Variants in ZFP36L2 observed in about 807,000 individuals in gnomAD.
ZFP36L2 encodes mRNA decay activator protein ZFP36L2.
In ZFP36L2, 16 loss-of-function variants were observed where a neutral mutation model predicts 27.9. The ratio of observed to expected loss-of-function variants is 0.57; its 90% confidence interval spans 0.39 to 0.87. The LOEUF is 0.87. Among genes scored for constraint, ZFP36L2 ranks in the 40% least tolerant of loss-of-function variants. The pLI, the probability that ZFP36L2 is intolerant of heterozygous loss-of-function variation, is 0.00. For missense variants in ZFP36L2, 989 were observed against 726.9 expected (o/e 1.36, Z -4.15); for synonymous variants, 600 against 363.8 (o/e 1.65, Z -7.39).
Position 43,225,418 on chromosome 2 carries a change from T to C in ZFP36L2, c.386A>G (p.Asp129Gly). The C allele has an allele frequency of 6.2e-7, 1 of 1,612,888 alleles. No homozygotes were observed. The highest frequency in any genetic ancestry group is 8.5e-7 in the Non-Finnish European group (1 of 1,179,770). ...FRDRSFSENGDRSQHLLHLQQ... is the reference protein window; with the variant it reads ...FRDRSFSENGGRSQHLLHLQQ... ...CAGGTGCAGGAGGTGCTGGCTGCGA[T>C]CGCCGTTCTCGCTAAACGAGCGGTC... Residue 129 changes from aspartate to glycine, a missense_variant, in exon 2 of 2, where the codon GAT (aspartate) becomes GGT (glycine). Transcript: ENST00000282388.
In ZFP36L2 at chr2:43,222,849, A is replaced by T. The variant is rs1666997060; in HGVS notation, c.*1470T>A. ...CATTCAGATTCTCTCAAGCACTAATAAAATACTTATTTGGTTGAGGAAGAT... is the reference window on the plus strand; with the variant it reads ...CATTCAGATTCTCTCAAGCACTAATTAAATACTTATTTGGTTGAGGAAGAT... On this transcript the variant is annotated 3_prime_UTR_variant, in exon 2 of 2. Coordinates refer to ENST00000282388, the MANE Select transcript of ZFP36L2 (RefSeq NM_006887.5). 1.3e-5 allele frequency: 2 copies of T among 152,486 alleles called. No homozygotes were observed. Among genetic ancestry groups the T allele is most frequent in the South Asian group, 4.1e-4 (2 of 4,828 alleles). The allele number at this position is 152,486 out of a possible 1,614,324, so 9.4% of individuals were successfully genotyped here. A position where few individuals can be genotyped will look rare whatever the true frequency, so the allele number is the denominator to read the frequency against.
At position 43,224,456 on chromosome 2, in the gene ZFP36L2, G is replaced by A; in HGVS notation, c.1348C>T (p.Pro450Ser). The A allele has an allele frequency of 6.6e-7, 1 of 1,516,196 alleles. No homozygotes were observed. Among genetic ancestry groups the A allele is most frequent in the Non-Finnish European group, 8.8e-7 (1 of 1,137,756 alleles). The allele number at this position is 1,516,196 out of a possible 1,614,324, so 93.9% of individuals were successfully genotyped here. Residue 450 changes from proline to serine, a missense_variant, in exon 2 of 2, where the codon CCG becomes TCG. Pro to Ser is a moderately conservative substitution (Grantham distance 74, BLOSUM62 -1). Transcript: ENST00000282388. ...CTGTCGCGGTCCGACAGCGAGTCCG[G>A]GGGGCTGGGGGGCGCGTCGAACACG... The part of the protein sequence containing the change: ...SPVFDAPPSP[P>S]DSLSDRDSYL...
chr2:43,226,576 G>C lies in ZFP36L2; in HGVS notation c.-261C>G. ...GTGCCCGGCCCGCCCCCCCCGCGGA[G>C]CCGACGGCAGCTCGCGGACTGCTGG... On this transcript the variant is annotated 5_prime_UTR_variant, in exon 1 of 2. Transcript: ENST00000282388. The C allele has an allele frequency of 6.1e-6, 3 of 493,600 alleles. No homozygotes were observed. In the South Asian group the frequency reaches 7.9e-5, roughly 13 times the overall value. 30.6% of individuals were successfully genotyped at this position (493,600 alleles called of 1,614,324 possible).
In ZFP36L2 at chr2:43,224,415, G is replaced by A. The variant is rs1198239113; in HGVS notation, c.1389C>T (p.Ser463=). The change falls in exon 2 of 2, where the codon TCC becomes TCT. Residue 463 remains serine (S), a synonymous_variant. Coordinates refer to ENST00000282388, the MANE Select transcript of ZFP36L2 (RefSeq NM_006887.5). The part of the protein sequence containing the change: ...LSDRDSYLSG[S]LSSGSLSGSE... ...AGCCGCTGAGGCTGCCGGAGCTCAG[G>A]GAGCCGCTTAGGTAGCTGTCGCGGT... The A allele has an allele frequency of 2.6e-6, 4 of 1,556,594 alleles. No homozygotes were observed. The highest frequency in any genetic ancestry group is 3.5e-6 in the Non-Finnish European group (4 of 1,157,536).
chr2:43,224,759 G>C lies in ZFP36L2; in HGVS notation c.1045C>G (p.Pro349Ala). Residue 349 changes from proline (P) to alanine (A), a missense_variant, in exon 2 of 2, where the codon CCG becomes GCG. Pro to Ala is a conservative substitution (Grantham distance 27). Coordinates refer to ENST00000282388, the MANE Select transcript of ZFP36L2 (RefSeq NM_006887.5). ...GAGGCCGACGAGCAGGCCGCGCACGGGGCCCCCGGCGCCAGCAGGTCCTCG... is the reference window on the plus strand; with the variant it reads ...GAGGCCGACGAGCAGGCCGCGCACGCGGCCCCCGGCGCCAGCAGGTCCTCG... ...GAEDLLAPGA[P>A]CAACSSASCA... 3.3e-6 allele frequency: 5 copies of C among 1,496,564 alleles called. No individual in the cohort carries two copies. Among genetic ancestry groups the C allele is most frequent in the Non-Finnish European group, 4.4e-6 (5 of 1,130,232 alleles). The allele number at this position is 1,496,564 out of a possible 1,614,324, so 92.7% of individuals were successfully genotyped here.
chr2:43,225,924 C>T lies in ZFP36L2; in HGVS notation c.52-172G>A, dbSNP rs531659253. ...TATACACGCGCAAAACCAGCAAGAT[C>T]TTGCTGGACGGAGCGGGAGAGGGGA... On this transcript the variant is annotated intron_variant, in intron 1 of 1. Coordinates refer to ENST00000282388, the MANE Select transcript of ZFP36L2 (RefSeq NM_006887.5). Among the ~76,000 whole-genome samples the T allele has an allele frequency of 2.0e-5, 3 of 152,308 alleles. No individual in the cohort carries two copies. In the East Asian group the frequency reaches 5.8e-4, roughly 29 times the overall value.
Position 43,224,600 on chromosome 2 carries a change from C to T in ZFP36L2, c.1204G>A (p.Gly402Ser). The T allele has an allele frequency of 1.4e-6, 2 of 1,413,890 alleles. No homozygotes were observed. The allele number at this position is 1,413,890 out of a possible 1,614,324, so 87.6% of individuals were successfully genotyped here. A position where few individuals can be genotyped will look rare whatever the true frequency, so the allele number is the denominator to read the frequency against. The change falls in exon 2 of 2, where the codon GGC becomes AGC. Residue 402 changes from glycine (G) to serine (S), a missense_variant. By Grantham distance (56) the Gly-to-Ser change is moderately conservative. Transcript: ENST00000282388. Reference protein sequence around the residue: ...YRSQQQQQQQGLAPPAQPPAP... With the variant: ...YRSQQQQQQQSLAPPAQPPAP... ...GGCGGCTGCGCGGGGGGCGCCAGGC[C>T]CTGCTGCTGCTGCTGCTGCTGACTG...
chr2:43,224,964 G>T lies in ZFP36L2; in HGVS notation c.840C>A (p.Leu280=). 1 of 1,576,160 alleles carries T rather than the reference G, an allele frequency of 6.3e-7. No individual in the cohort carries two copies. The highest frequency in any genetic ancestry group is 2.3e-5 in the East Asian group (1 of 43,648). Residue 280 remains leucine, a synonymous_variant, in exon 2 of 2, where the codon CTC becomes CTA. Transcript: ENST00000282388. ...GCGGCGTGCGCGACGTGGGGCTGTC[G>T]AGCAGCAGCGGCGACTCGAGGCCGC... ...PPGGLESPLL[L]DSPTSRTPPP...
rs1429350319 is a variant in ZFP36L2 at position 43,223,973 on chromosome 2, T to C, written c.*346A>G. The C allele has an allele frequency of 5.1e-6, 1 of 195,976 alleles. No individual in the cohort carries two copies. Among genetic ancestry groups the C allele is most frequent in the African/African-American group, 2.4e-5 (1 of 42,340 alleles). The allele number at this position is 195,976 out of a possible 1,614,324, so 12.1% of individuals were successfully genotyped here. ...TCCTGAAGTCCCAAACTCATCGGAG[T>C]CCTAACAAAGTTTAAGTGTTTTTTT... On this transcript the variant is annotated 3_prime_UTR_variant, in exon 2 of 2. Transcript: ENST00000282388.
Position 43,224,253 on chromosome 2 carries a change from TGGCGA to T in ZFP36L2, c.*61_*65del. The T allele has an allele frequency of 7.0e-7, 1 of 1,433,158 alleles. No individual in the cohort carries two copies. The highest frequency in any genetic ancestry group is 2.5e-4 in the Middle Eastern group (1 of 3,948). The allele number at this position is 1,433,158 out of a possible 1,614,324, so 88.8% of individuals were successfully genotyped here. A position where few individuals can be genotyped will look rare whatever the true frequency, so the allele number is the denominator to read the frequency against. ...TCCCGTGCCCCCAGCAAGGGCGAGA[TGGCGA>T]GGGGTGTCCTCCAACATCTCTGAAC... On this transcript the variant is annotated 3_prime_UTR_variant, in exon 2 of 2. Coordinates refer to ENST00000282388, the MANE Select transcript of ZFP36L2 (RefSeq NM_006887.5).
rs541994094 is a variant in ZFP36L2, at chr2:43,225,830, C to T, written c.52-78G>A. On this transcript the variant is annotated intron_variant, in intron 1 of 1. Transcript: ENST00000282388. ...ACTCGGGGCGAGCCGCAGAGGAACT[C>T]CCAGCCTGATTCTTTTCCTTTTTTT... The T allele has an allele frequency of 1.6e-3, 2,235 of 1,417,422 alleles. 4 individuals carry two copies. The highest frequency in any genetic ancestry group is 2.0e-3 in the Middle Eastern group (11 of 5,472). The allele number at this position is 1,417,422 out of a possible 1,614,324, so 87.8% of individuals were successfully genotyped here.
chr2:43,224,919 C>T lies in ZFP36L2; in HGVS notation c.885G>A (p.Ser295=). The change falls in exon 2 of 2, where the codon TCG becomes TCA. Residue 295 remains serine (S), a synonymous_variant. Transcript: ENST00000282388. ...SRTPPPPSCS[S]ASSCSSSASS... ...AGGCGGAGGAGGAGCAGGACGAGGCCGAAGAGCAGGAGGGCGGCGGCGGCG... is the reference window on the plus strand; with the variant it reads ...AGGCGGAGGAGGAGCAGGACGAGGCTGAAGAGCAGGAGGGCGGCGGCGGCG... 6.5e-7 allele frequency: 1 copy of T among 1,548,914 alleles called. No homozygotes were observed. Among genetic ancestry groups the T allele is most frequent in the African/African-American group, 1.5e-5 (1 of 68,812 alleles).
rs1039585447 is a variant in ZFP36L2 at position 43,224,224 on chromosome 2, C to G, written c.*95G>C. 3.2e-5 allele frequency: 42 copies of G among 1,317,934 alleles called. No individual in the cohort carries two copies. In the Admixed American group the frequency reaches 6.9e-4, roughly 22 times the overall value. 81.6% of individuals were successfully genotyped at this position (1,317,934 alleles called of 1,614,324 possible). ...CTGCCTAGGGCCCATGTCACCCCCC[C>G]CACTCCCGTGCCCCCAGCAAGGGCG... On this transcript the variant is annotated 3_prime_UTR_variant, in exon 2 of 2. Coordinates refer to ENST00000282388, the MANE Select transcript of ZFP36L2 (RefSeq NM_006887.5).
At chr2:43,225,968 G>T (rs2103978082) in intron 1 of ZFP36L2, among the ~76,000 whole-genome samples, 1 of 152,172 alleles carries the variant, frequency 6.6e-6, no homozygotes, top group South Asian at 2.1e-4. Flanking sequence ...ACCGTGGGCC[G>T]CGCTGGGTTT....
At position 43,225,420 on chromosome 2, in the gene ZFP36L2, G is replaced by A. The variant is rs554745591; in HGVS notation, c.384C>T (p.Gly128=). Reference sequence around the variant, plus strand: ...GGTGCAGGAGGTGCTGGCTGCGATCGCCGTTCTCGCTAAACGAGCGGTCCC... The same window carrying A: ...GGTGCAGGAGGTGCTGGCTGCGATCACCGTTCTCGCTAAACGAGCGGTCCC... ...KFRDRSFSEN[G]DRSQHLLHLQ... is the part of the protein sequence containing the mutation. The change falls in exon 2 of 2, where the codon GGC becomes GGT. Residue 128 remains glycine (G), a synonymous_variant. Transcript: ENST00000282388. 6.9e-5 allele frequency: 112 copies of A among 1,613,084 alleles called. No individual in the cohort carries two copies. The Admixed American group carries it at 1.2e-3, about 17-fold the overall frequency.
At chr2:43,226,196 A>G in intron 1 of ZFP36L2, 69 bp downstream of exon 1, 4 of 1,532,402 alleles carry the variant, frequency 2.6e-6, no homozygotes, top group Non-Finnish European at 3.5e-6. Context: ...GTCCCCCAGA[A>G]CCTGGGGACA....
chr2:43,225,104 G>A lies in ZFP36L2; in HGVS notation c.700C>T (p.Arg234Cys), dbSNP rs1473253232. 3 of 1,592,038 alleles carry A rather than the reference G, an allele frequency of 1.9e-6. No individual in the cohort carries two copies. The highest frequency in any genetic ancestry group is 2.7e-5 in the African/African-American group (2 of 74,700). Reference sequence around the variant, plus strand: ...AACGCATCGCGCGTGCCAAAGGCACGCAGGTCCCCGGAGGCGCCCCCCGAC... The same window carrying A: ...AACGCATCGCGCGTGCCAAAGGCACACAGGTCCCCGGAGGCGCCCCCCGAC... ...APSGGASGDLRAFGTRDALHL... is the reference protein window; with the variant it reads ...APSGGASGDLCAFGTRDALHL... Residue 234 changes from arginine to cysteine, a missense_variant, in exon 2 of 2, where the codon CGT becomes TGT. Arg to Cys is a radical substitution (Grantham distance 180). Transcript: ENST00000282388.
rs758307238 is a variant in ZFP36L2, at chr2:43,224,277, T to C, written c.*42A>G. The C allele has an allele frequency of 4.0e-6, 6 of 1,494,976 alleles. No individual in the cohort carries two copies. The African/African-American group carries it at 8.6e-5, about 21-fold the overall frequency. 92.6% of individuals were successfully genotyped at this position (1,494,976 alleles called of 1,614,324 possible). Reference sequence around the variant, plus strand: ...ATGGCGAGGGGTGTCCTCCAACATCTCTGAACCGCCTTCCCTTCCTCCTCA... The same window carrying C: ...ATGGCGAGGGGTGTCCTCCAACATCCCTGAACCGCCTTCCCTTCCTCCTCA... On this transcript the variant is annotated 3_prime_UTR_variant, in exon 2 of 2. Coordinates refer to ENST00000282388, the MANE Select transcript of ZFP36L2 (RefSeq NM_006887.5).
In ZFP36L2 at chr2:43,226,600, G is replaced by A. The variant is rs1274535692; in HGVS notation, c.-285C>T. ...AGCCGACGGCAGCTCGCGGACTGCT[G>A]GAACTCGGCGGCCTCCGAGCGCGCG... On this transcript the variant is annotated 5_prime_UTR_variant, in exon 1 of 2. Coordinates refer to ENST00000282388, the MANE Select transcript of ZFP36L2 (RefSeq NM_006887.5). 4 of 458,600 alleles carry A rather than the reference G, an allele frequency of 8.7e-6. No individual in the cohort carries two copies. The highest frequency in any genetic ancestry group is 5.8e-4 in the Middle Eastern group (1 of 1,738). 28.4% of individuals were successfully genotyped at this position (458,600 alleles called of 1,614,324 possible).
Sources: gnomAD v4.1 joint callset for allele counts (sites outside exome capture counted in the v4.1 genomes callset) on GRCh38, gnomAD v4.1.1 for gene constraint, MANE v1.5 for transcripts, NCBI Gene and HGNC (gene_info 2026-07-23, HGNC 2026-07-21) for gene names.